The following SEMA4D variants were observed in gnomAD, a reference collection of about 807,000 sequenced individuals.
SEMA4D encodes semaphorin-4D.
In SEMA4D, 22 loss-of-function variants were observed where a neutral mutation model predicts 74.8. The observed-to-expected ratio is 0.29, with a 90% confidence interval of 0.21 to 0.42. The LOEUF (loss-of-function observed/expected upper bound fraction) is 0.42, where lower values mean the gene tolerates loss of function less well. Among genes scored for constraint, SEMA4D ranks in the 10% least tolerant of loss-of-function variants. The pLI, the probability that SEMA4D is intolerant of heterozygous loss-of-function variation, is 1.00. For synonymous variants in SEMA4D, 445 were observed against 463.7 expected, an observed-to-expected ratio of 0.96 and a Z score of 0.52; for missense variants, 937 against 1,118.4, an observed-to-expected ratio of 0.84 and a Z score of 2.31.
chr9:89,363,952 T>C lies in SEMA4D; in HGVS notation c.1883-2A>G. The C allele has an allele frequency of 6.2e-7, 1 of 1,614,052 alleles. No individual in the cohort carries two copies. The highest frequency in any genetic ancestry group is 8.5e-7 in the Non-Finnish European group (1 of 1,180,040). ...AGACAAAGCGAATGTCTGCAGGACC[T>C]GGGGACACAGACCGTTTCCACCTCT... On this transcript the variant is annotated splice_acceptor_variant, in intron 16 of 18. Transcript: ENST00000339861. LOFTEE classifies it high-confidence loss of function.
At chr9:89,451,084 C>A (rs1445865812) in intron 2 of SEMA4D, among the ~76,000 whole-genome samples, 1 of 152,170 alleles carries the variant, frequency 6.6e-6, no homozygotes. Flanking sequence ...TGTAACCCTA[C>A]GATAGAACAG....
chr9:89,412,262 C>T (rs865912411), intron 2 of SEMA4D, among the ~76,000 whole-genome samples: 2 of 152,154 alleles, frequency 1.3e-5, no homozygotes, highest in African/African-American at 4.8e-5. Flanking sequence ...AAAACAAAAT[C>T]GCCAGTGAAG....
At chr9:89,469,955 A>G (rs1180784174) in intron 1 of SEMA4D, among the ~76,000 whole-genome samples, 3 of 152,254 alleles carry the variant, frequency 2.0e-5, no homozygotes, top group South Asian at 2.1e-4. Flanking sequence ...AAAGAATGAA[A>G]TAAAATGGAC....
Position 89,379,638 on chromosome 9 carries a change from T to C in SEMA4D, c.1664-9A>G. 2 of 1,598,848 alleles carry C rather than the reference T, an allele frequency of 1.3e-6. No individual in the cohort carries two copies. Among genetic ancestry groups the C allele is most frequent in the Non-Finnish European group, 1.7e-6 (2 of 1,170,748 alleles). On this transcript the variant is annotated splice_polypyrimidine_tract_variant and intron_variant, in intron 15 of 15. Transcript: ENST00000422704. Reference sequence around the variant, plus strand: ...ACTTCCTTTACTTTTATCTGGAACATCAAAATAAACGTGCACAGCGTCAAC... The same window carrying C: ...ACTTCCTTTACTTTTATCTGGAACACCAAAATAAACGTGCACAGCGTCAAC...
chr9:89,428,074 C>T (rs1049659297), intron 2 of SEMA4D, among the ~76,000 whole-genome samples: 1 of 152,182 alleles, frequency 6.6e-6, no homozygotes, highest in Non-Finnish European at 1.5e-5. Context: ...TGACCTGAGA[C>T]GCTGGCTCCA....
intron 1 of SEMA4D, among the ~76,000 whole-genome samples, chr9:89,483,843 G>A (rs1012856764): frequency 1.5e-4 from 23 of 152,158 alleles, no homozygotes; most frequent in Non-Finnish European, 5.9e-5. Flanking sequence ...GCTGCCTGAT[G>A]GTCAAGAAGC....
Position 89,381,485 on chromosome 9 carries a change from G to A in SEMA4D, c.1447-139C>T. ...TTGCAGTAAGGAGGAGAGGTACTCA[G>A]AACCAGAGGCAAACAAGGCAGGTCT... On this transcript the variant is annotated intron_variant, in intron 13 of 15. Transcript: ENST00000422704. This position sits in a 1 kb window ranked among gnomAD's most constrained non-coding sequence, Gnocchi z 4.6. 1 of 797,882 alleles carries A rather than the reference G, an allele frequency of 1.3e-6. No homozygotes were observed. Among genetic ancestry groups the A allele is most frequent in the Non-Finnish European group, 1.9e-6 (1 of 533,464 alleles). 49.4% of individuals were successfully genotyped at this position (797,882 alleles called of 1,614,324 possible).
At chr9:89,480,091 C>G (rs548867075) in intron 1 of SEMA4D, among the ~76,000 whole-genome samples, 1 of 152,232 alleles carries the variant, frequency 6.6e-6, no homozygotes, top group Non-Finnish European at 1.5e-5. Context: ...AAGGCCCCAC[C>G]AGAGCAGCTA....
intron 1 of SEMA4D, among the ~76,000 whole-genome samples, chr9:89,463,251 A>G (rs1857789648): frequency 6.6e-6 from 1 of 152,112 alleles, no homozygotes. Flanking sequence ...CTGCTACTAT[A>G]TTCTTTTCAG....
intron 1 of SEMA4D, among the ~76,000 whole-genome samples, chr9:89,476,344 T>C (rs1861745854): frequency 1.3e-5 from 2 of 152,232 alleles, no homozygotes; most frequent in South Asian, 4.1e-4. Context: ...ATGGCTGATG[T>C]CACATGTCAA....
In SEMA4D at chr9:89,388,648, C is replaced by T. The variant is rs779802450; in HGVS notation, c.1095G>A (p.Pro365=). 8 of 1,599,804 alleles carry T rather than the reference C, an allele frequency of 5.0e-6. No homozygotes were observed. Among genetic ancestry groups the T allele is most frequent in the South Asian group, 2.2e-5 (2 of 90,288 alleles). ...WVRYNGPVPK[P]RPGACIDSEA... is the part of the protein sequence containing the mutation. ...TGCCCCAGCTCACCGCTCCAGGCCG[C>T]GGCTTGGGTACCGGGCCATTATAGC... Residue 365 remains proline (P), a synonymous_variant, in exon 11 of 16, where the codon CCG becomes CCA. Coordinates refer to ENST00000422704, the MANE Select transcript of SEMA4D (RefSeq NM_001371194.2).
At chr9:89,403,059 A>G (rs1842546632) in intron 3 of SEMA4D, 43 bp from the exon 4 acceptor site, 1 of 1,586,982 alleles carries the variant, frequency 6.3e-7, no homozygotes, top group Admixed American at 1.7e-5. Flanking sequence ...GGAAGAAAAG[A>G]GCGATGGAAG....
At chr9:89,362,262 C>T in exon 19 of SEMA4D, 1 of 1,457,306 alleles carries the variant, frequency 6.9e-7, no homozygotes, top group Non-Finnish European at 9.6e-7. Flanking sequence ...AGGTGGTGGC[C>T]CAATGGCTGT....
rs936041802 is a variant in SEMA4D at position 89,418,890 on chromosome 9, T to C, written c.-243-13191A>G. The C allele has an allele frequency of 2.0e-5, 3 of 152,218 alleles. No individual in the cohort carries two copies. In the South Asian group the frequency reaches 6.2e-4, roughly 32 times the overall value. 9.4% of individuals were successfully genotyped at this position (152,218 alleles called of 1,614,324 possible). ...TCTGTGGTGAGGAGGGTTTCTTTTT[T>C]GTTTGCCTTTTGCTTTCAGAGCTTA... On this transcript the variant is annotated intron_variant, in intron 2 of 15. Coordinates refer to ENST00000422704, the MANE Select transcript of SEMA4D (RefSeq NM_001371194.2).
At chr9:89,416,879 G>A (rs1370590290) in intron 2 of SEMA4D, among the ~76,000 whole-genome samples, 2 of 152,150 alleles carry the variant, frequency 1.3e-5, no homozygotes, top group Non-Finnish European at 1.5e-5. Context: ...TTTTTCACAT[G>A]CTAATCCATT....
chr9:89,454,079 G>A (rs571909329), intron 2 of SEMA4D, among the ~76,000 whole-genome samples: 4 of 152,180 alleles, frequency 2.6e-5, no homozygotes, highest in Non-Finnish European at 4.4e-5. Context: ...GGATGGTCTC[G>A]ATAGAATATA....
chr9:89,477,669 G>A (rs145635005), intron 1 of SEMA4D, among the ~76,000 whole-genome samples: 19 of 152,304 alleles, frequency 1.2e-4, no homozygotes, highest in Middle Eastern at 6.8e-3. Flanking sequence ...ACGCATGTGT[G>A]TGCATCTGAA....
At chr9:89,477,070 AC>A (rs1861923662) in intron 1 of SEMA4D, among the ~76,000 whole-genome samples, 1 of 152,206 alleles carries the variant, frequency 6.6e-6, no homozygotes, top group Non-Finnish European at 1.5e-5. Flanking sequence ...GGCTAAAAAT[AC>A]AACTAAGACT....
At chr9:89,452,514 C>T (rs979464991) in intron 2 of SEMA4D, among the ~76,000 whole-genome samples, 1 of 152,000 alleles carries the variant, frequency 6.6e-6, no homozygotes, top group African/African-American at 2.4e-5. Context: ...TGCAATGGTG[C>T]GATCTCAGCT....
Sources: allele counts gnomAD v4.1 joint callset (sites outside exome capture counted in the v4.1 genomes callset), GRCh38; gene constraint gnomAD v4.1.1; non-coding constraint Gnocchi (gnomAD v3.1); transcripts MANE v1.5; gene names NCBI Gene and HGNC (gene_info 2026-07-23, HGNC 2026-07-21).